Variants in WDR49 observed in about 807,000 individuals in gnomAD.
The protein encoded by WDR49 is WD repeat domain 49, also known as cilia- and flagella-associated protein 337.
In WDR49, 107 loss-of-function variants were observed where a neutral mutation model predicts 119.5. The ratio of observed to expected loss-of-function variants is 0.90; its 90% confidence interval spans 0.77 to 1.05. The LOEUF is 1.05. WDR49 is among the 50% of genes least tolerant of loss of function. The probability of loss-of-function intolerance (pLI) is 0.00; values close to 1 mark genes in which losing one functional copy is unlikely to be tolerated. For missense variants in WDR49, 1,240 were observed against 1,220.5 expected, an observed-to-expected ratio of 1.02 and a Z score of -0.24; for synonymous variants, 425 against 418.8, an observed-to-expected ratio of 1.01 and a Z score of -0.18.
chr3:167,619,133 A>G (rs1441216349), intron 5 of WDR49, among the ~76,000 whole-genome samples: 1 of 152,208 alleles, frequency 6.6e-6, no homozygotes, highest in Non-Finnish European at 1.5e-5. Context: ...ATGGACTCAA[A>G]TAATACATTA....
At chr3:167,547,400 T>C (rs1474564607) in intron 10 of WDR49, among the ~76,000 whole-genome samples, 1 of 151,760 alleles carries the variant, frequency 6.6e-6, no homozygotes, top group Admixed American at 6.6e-5. Context: ...ATTCTGTTTT[T>C]TTATGAATAG....
At chr3:167,506,794 G>T (rs766110874) in intron 16 of WDR49, among the ~76,000 whole-genome samples, 1 of 151,440 alleles carries the variant, frequency 6.6e-6, no homozygotes, top group Non-Finnish European at 1.5e-5. Context: ...TAACTCCTTA[G>T]CCTCTGGCCT....
chr3:167,550,379 G>A (rs1577233539), intron 10 of WDR49, among the ~76,000 whole-genome samples: 1 of 152,074 alleles, frequency 6.6e-6, no homozygotes, highest in Non-Finnish European at 1.5e-5. Context: ...TTGAGCAGTG[G>A]TTTGTAGTTC....
intron 7 of WDR49, among the ~76,000 whole-genome samples, chr3:167,584,895 A>G (rs1018055501): frequency 6.6e-6 from 1 of 152,138 alleles, no homozygotes; most frequent in African/African-American, 2.4e-5. Context: ...AAAGAAAATC[A>G]TTCCTTAGAC....
At chr3:167,500,448 C>T (rs1357075352) in intron 17 of WDR49, 149 bp from the exon 18 acceptor site, 11 of 886,720 alleles carry the variant, frequency 1.2e-5, no homozygotes, top group East Asian at 3.0e-5. Flanking sequence ...GATCTGCAAA[C>T]CCTACAAACA....
In WDR49 at chr3:167,652,580, T is replaced by C. The variant is rs116032190; in HGVS notation, c.165+681A>G. ...CCACTTTGATGTATGCTGTTCATTA[T>C]GCATAGCTGCAGAATTCAAAATTCA... On this transcript the variant is annotated intron_variant, in intron 2 of 18. Coordinates refer to ENST00000682715, the MANE Select transcript of WDR49 (RefSeq NM_001366157.1). Among the ~76,000 whole-genome samples, 410 of 152,374 alleles carry C rather than the reference T, an allele frequency of 2.7e-3. 1 individual carries two copies. Among genetic ancestry groups the C allele is most frequent in the African/African-American group, 9.4e-3 (392 of 41,594 alleles).
At chr3:167,547,871 C>CTGT (rs1242806075) in intron 10 of WDR49, among the ~76,000 whole-genome samples, 2 of 151,962 alleles carry the variant, frequency 1.3e-5, no homozygotes, top group Non-Finnish European at 2.9e-5. Flanking sequence ...ATCAGCCTTG[C>CTGT]TGTTCACTTA....
intron 15 of WDR49, among the ~76,000 whole-genome samples, chr3:167,525,705 A>G (rs1752605948): frequency 6.6e-6 from 1 of 152,134 alleles, no homozygotes; most frequent in Admixed American, 6.6e-5. Flanking sequence ...GCATTTATGA[A>G]TAAATCCTCT....
At chr3:167,576,194 A>C (rs776970576) in intron 7 of WDR49, 43 bp from the exon 8 acceptor site, 3 of 1,561,336 alleles carry the variant, frequency 1.9e-6, no homozygotes, top group Non-Finnish European at 2.6e-6. Context: ...GTCAAAGATA[A>C]TTGTAATCTT....
intron 16 of WDR49, among the ~76,000 whole-genome samples, chr3:167,520,948 C>T (rs941464832): frequency 1.3e-5 from 2 of 151,976 alleles, no homozygotes; most frequent in African/African-American, 4.8e-5. Context: ...TTCTCTTTTT[C>T]ATTTCTAGCC....
intron 10 of WDR49, among the ~76,000 whole-genome samples, chr3:167,547,220 TAA>T (rs1245467888): frequency 6.6e-6 from 1 of 151,888 alleles, no homozygotes; most frequent in Non-Finnish European, 1.5e-5. Flanking sequence ...TTGTGATATA[TAA>T]GTTTTATTTT....
At chr3:167,634,317 C>T (rs1178893745) in intron 2 of WDR49, among the ~76,000 whole-genome samples, 1 of 151,830 alleles carries the variant, frequency 6.6e-6, no homozygotes, top group Non-Finnish European at 1.5e-5. Flanking sequence ...TGTTTTGCTA[C>T]ATTTATTTTG....
At chr3:167,582,687 A>G (rs1714600179) in intron 7 of WDR49, among the ~76,000 whole-genome samples, 1 of 152,126 alleles carries the variant, frequency 6.6e-6, no homozygotes, top group Non-Finnish European at 1.5e-5. Flanking sequence ...GGCTGGGCAC[A>G]GTAGCTCACA....
chr3:167,518,074 T>C (rs1752288639), intron 16 of WDR49, among the ~76,000 whole-genome samples: 1 of 152,180 alleles, frequency 6.6e-6, no homozygotes, highest in African/African-American at 2.4e-5. Flanking sequence ...CATCATTTTT[T>C]ATGGCTGCAT....
intron 2 of WDR49, among the ~76,000 whole-genome samples, chr3:167,634,305 A>G (rs555492242): frequency 6.6e-6 from 1 of 152,022 alleles, no homozygotes; most frequent in Admixed American, 6.6e-5. Flanking sequence ...TTCCTAGTAC[A>G]ATGTTTTGCT....
intron 7 of WDR49, among the ~76,000 whole-genome samples, chr3:167,590,374 T>C (rs1356722487): frequency 6.6e-6 from 1 of 152,084 alleles, no homozygotes; most frequent in Non-Finnish European, 1.5e-5. Flanking sequence ...TTTTCTGATG[T>C]GTCTGTGTCT....
intron 2 of WDR49, among the ~76,000 whole-genome samples, chr3:167,634,073 C>T (rs559593233): frequency 6.6e-6 from 1 of 151,856 alleles, no homozygotes; most frequent in South Asian, 2.1e-4. Context: ...TTAATAAAAC[C>T]TTTATTATTC....
intron 5 of WDR49, among the ~76,000 whole-genome samples, chr3:167,608,671 AT>A (rs1405816953): frequency 1.3e-5 from 2 of 152,200 alleles, no homozygotes; most frequent in Non-Finnish European, 2.9e-5. Context: ...TGTTTTTCTC[AT>A]TTCTTGAATT....
intron 3 of WDR49, among the ~76,000 whole-genome samples, chr3:167,623,900 C>T (rs904141007): frequency 1.4e-4 from 22 of 151,746 alleles, no homozygotes; most frequent in African/African-American, 5.3e-4. Flanking sequence ...TATTGTATTT[C>T]TATACAATGA....
Sources: allele counts gnomAD v4.1 joint callset (sites outside exome capture counted in the v4.1 genomes callset), GRCh38; gene constraint gnomAD v4.1.1; transcripts MANE v1.5; gene names NCBI Gene and HGNC (gene_info 2026-07-23, HGNC 2026-07-21).